Variants in MYBL2 observed in about 807,000 individuals in gnomAD.
The protein encoded by MYBL2 is MYB proto-oncogene like 2, also known as myb-related protein B.
In MYBL2, 28 loss-of-function variants were observed where a neutral mutation model predicts 79.9. The ratio of observed to expected loss-of-function variants is 0.35; its 90% CI spans 0.26 to 0.48. The LOEUF (loss-of-function observed/expected upper bound fraction) is 0.48, where lower values mean the gene tolerates loss of function less well. Among genes scored for constraint, MYBL2 ranks in the 20% least tolerant of loss-of-function variants. MYBL2 has a pLI of 0.99. For synonymous variants in MYBL2, 378 were observed against 361.2 expected, an observed-to-expected ratio of 1.05 and a Z score of -0.53; for missense variants, 735 against 893.9, an observed-to-expected ratio of 0.82 and a Z score of 2.27.
At chr20:43,673,769 C>A (rs1465939778) in intron 1 of MYBL2, 37 bp from the exon 2 acceptor site, 1 of 1,565,714 alleles carries the variant, frequency 6.4e-7, no homozygotes, top group Admixed American at 1.8e-5. Context: ...AACATATGGA[C>A]ACACCATCCT....
chr20:43,691,356 CTG>C (rs1419182118), intron 5 of MYBL2, among the ~76,000 whole-genome samples: 4 of 151,704 alleles, frequency 2.6e-5, no homozygotes, highest in Admixed American at 1.3e-4. Context: ...GAGTCTCACT[CTG>C]TTGCCCAGGC....
intron 5 of MYBL2, among the ~76,000 whole-genome samples, chr20:43,687,885 T>C (rs559359442): frequency 1.3e-5 from 2 of 151,646 alleles, no homozygotes; most frequent in African/African-American, 4.8e-5. Flanking sequence ...GATGTGTTGG[T>C]GAGCCTGTAA....
At chr20:43,673,939 G>C in intron 2 of MYBL2, 40 bp downstream of exon 2, 1 of 1,517,978 alleles carries the variant, frequency 6.6e-7, no homozygotes, top group South Asian at 1.2e-5. Flanking sequence ...GGCAGCTGGG[G>C]GCTGTCCAGA....
rs746826352 is a variant in MYBL2 at position 43,699,935 on chromosome 20, G to T, written c.842G>T (p.Gly281Val). 1 of 1,614,104 alleles carries T rather than the reference G, an allele frequency of 6.2e-7. No individual in the cohort carries two copies. The highest frequency in any genetic ancestry group is 1.7e-5 in the Admixed American group (1 of 60,008). The change falls in exon 7 of 14, where the codon GGC (glycine) becomes GTC (valine). Residue 281 changes from glycine (G) to valine (V), a missense_variant. By Grantham distance (109) the Gly-to-Val change is moderately radical. Transcript: ENST00000217026. ...TTCCCGAAGCGTGAGGACCAGGAAG[G>T]CTCCCCACCAGAAACGAGCCTGCCT... ...EEFPKREDQE[G>V]SPPETSLPYK...
chr20:43,714,495 G>A (rs114671168), intron 12 of MYBL2, among the ~76,000 whole-genome samples: 3,529 of 152,178 alleles, frequency 0.023, 113 homozygotes, highest in African/African-American at 0.074. Flanking sequence ...CAGGGCTGAT[G>A]TGCCCCCACG....
At chr20:43,704,776 T>C (rs1031276195) in intron 8 of MYBL2, among the ~76,000 whole-genome samples, 8 of 152,192 alleles carry the variant, frequency 5.3e-5, no homozygotes, top group Non-Finnish European at 2.9e-5. Flanking sequence ...ATTGAAATTA[T>C]TTGTGTGAAG....
At chr20:43,698,736 A>G (rs939463190) in intron 6 of MYBL2, among the ~76,000 whole-genome samples, 1 of 145,028 alleles carries the variant, frequency 6.9e-6, no homozygotes, top group Non-Finnish European at 1.5e-5. Flanking sequence ...TGGCGTGATC[A>G]TAGCTCACTG....
intron 6 of MYBL2, among the ~76,000 whole-genome samples, chr20:43,695,707 G>A (rs927419698): frequency 2.0e-5 from 3 of 150,408 alleles, no homozygotes; most frequent in Admixed American, 6.7e-5. Context: ...AAAAGCTGGT[G>A]CGGTGGCACA....
At chr20:43,715,065 G>A in intron 12 of MYBL2, 69 bp from the exon 13 acceptor site, 1 of 1,582,612 alleles carries the variant, frequency 6.3e-7, no homozygotes, top group South Asian at 1.1e-5. Context: ...GGGTGGGATT[G>A]CGGGTTTTTT....
At chr20:43,695,440 G>T (rs950112364) in intron 6 of MYBL2, among the ~76,000 whole-genome samples, 1 of 152,132 alleles carries the variant, frequency 6.6e-6, no homozygotes, top group African/African-American at 2.4e-5. Context: ...GGTATTACTG[G>T]TTTTTTGTTA....
At position 43,682,894 on chromosome 20, in the gene MYBL2, C is replaced by T. The variant is rs1987177219; in HGVS notation, c.279+8C>T. The T allele has an allele frequency of 6.2e-7, 1 of 1,612,450 alleles. No individual in the cohort carries two copies. Among genetic ancestry groups the T allele is most frequent in the African/African-American group, 1.3e-5 (1 of 74,988 alleles). Reference sequence around the variant, plus strand: ...AAAGAGGAAGACCAAAAAGTAACTGCTGGGACAGTGCCTTGCACACAGTGG... The same window carrying T: ...AAAGAGGAAGACCAAAAAGTAACTGTTGGGACAGTGCCTTGCACACAGTGG... On this transcript the variant is annotated splice_region_variant and intron_variant, in intron 4 of 13. Coordinates refer to ENST00000217026, the MANE Select transcript of MYBL2 (RefSeq NM_002466.4).
In MYBL2 at chr20:43,705,361, G is replaced by A; in HGVS notation, c.1505+3G>A. On this transcript the variant is annotated splice_donor_region_variant and intron_variant, in intron 9 of 13. Coordinates refer to ENST00000217026, the MANE Select transcript of MYBL2 (RefSeq NM_002466.4). ...CCCCTGCACCAGAAACATGCTGCGT[G>A]AGTGCTGCAGTGCCCCCAACCTTCG... 1 of 1,604,824 alleles carries A rather than the reference G, an allele frequency of 6.2e-7. No individual in the cohort carries two copies. The highest frequency in any genetic ancestry group is 8.5e-7 in the Non-Finnish European group (1 of 1,174,692).
chr20:43,670,966 TTTC>T (rs1359272841), intron 1 of MYBL2, among the ~76,000 whole-genome samples: 246 of 5,994 alleles, frequency 0.041, 3 homozygotes, highest in South Asian at 0.084. Flanking sequence ...ATTTCTTTTT[TTTC>T]TTTTTTTTTT....
chr20:43,681,242 C>T (rs1420229940), intron 2 of MYBL2, among the ~76,000 whole-genome samples: 2 of 152,162 alleles, frequency 1.3e-5, no homozygotes, highest in East Asian at 3.9e-4. Context: ...GTAATGACCT[C>T]CTTATGTCCG....
At chr20:43,692,380 T>C in intron 6 of MYBL2, 61 bp downstream of exon 6, 3 of 1,591,964 alleles carry the variant, frequency 1.9e-6, no homozygotes, top group Non-Finnish European at 1.7e-6. Flanking sequence ...CACCATCTCA[T>C]TGAACACCTT....
At chr20:43,688,831 C>A (rs1987339059) in intron 5 of MYBL2, among the ~76,000 whole-genome samples, 1 of 152,016 alleles carries the variant, frequency 6.6e-6, no homozygotes, top group Non-Finnish European at 1.5e-5. Flanking sequence ...CTCTTATCAC[C>A]CAGGCTGGAG....
intron 7 of MYBL2, among the ~76,000 whole-genome samples, chr20:43,701,198 G>A (rs1053848050): frequency 4.6e-5 from 7 of 152,180 alleles, no homozygotes; most frequent in Admixed American, 1.3e-4. Context: ...GACCTTCAGC[G>A]CCTGTTGGGG....
In MYBL2 at chr20:43,702,886, C is replaced by T; in HGVS notation, c.1348C>T (p.Pro450Ser). 1 of 1,593,486 alleles carries T rather than the reference C, an allele frequency of 6.3e-7. No homozygotes were observed. ...TPKSTPVKTL[P>S]FSPSQFLNFW... The stretch of plus-strand genomic sequence containing the variant: ...CAAGAGCACACCTGTTAAGACCCTG[C>T]CCTTCTCGCCCTCCCAGGTGCGTGG... Residue 450 changes from proline to serine, a missense_variant, in exon 8 of 14, where the codon CCC becomes TCC. By Grantham distance (74) the Pro-to-Ser change is moderately conservative (BLOSUM62 -1). Transcript: ENST00000217026.
In MYBL2 at chr20:43,673,757, A is replaced by G. The variant is rs759267690; in HGVS notation, c.21-49A>G. The G allele has an allele frequency of 6.4e-6, 10 of 1,554,064 alleles. No homozygotes were observed. The Admixed American group carries it at 1.6e-4, about 25-fold the overall frequency. ...GCTGCCTACACGTTCTCCATTATGT[A>G]AAACATATGGACACACCATCCTTGA... is the stretch of plus-strand genomic sequence containing the variant. On this transcript the variant is annotated intron_variant, in intron 1 of 13. Coordinates refer to ENST00000217026, the MANE Select transcript of MYBL2 (RefSeq NM_002466.4).
Sources: gnomAD v4.1 joint callset for allele counts (sites outside exome capture counted in the v4.1 genomes callset) on GRCh38, gnomAD v4.1.1 for gene constraint, MANE v1.5 for transcripts, NCBI Gene and HGNC (gene_info 2026-07-23, HGNC 2026-07-21) for gene names.